Variants in SUPT6H observed in about 807,000 individuals in gnomAD.
SUPT6H encodes the protein transcription elongation factor SPT6.
In SUPT6H, 11 loss-of-function variants were observed where a neutral mutation model predicts 222.3. That is an observed-to-expected ratio of 0.05 (90% CI 0.03 to 0.08). SUPT6H has a LOEUF of 0.08. Ranked by LOEUF, SUPT6H falls within the 10% of genes least tolerant of loss-of-function variation. The pLI, the probability that SUPT6H is intolerant of heterozygous loss-of-function variation, is 1.00. For synonymous variants in SUPT6H, 762 were observed against 801.2 expected (o/e 0.95, Z 0.83); for missense variants, 1,422 against 2,216.0 (o/e 0.64, Z 7.19).
chr17:28,664,139 T>C (rs975532696), intron 1 of SUPT6H, among the ~76,000 whole-genome samples: 2 of 152,154 alleles, frequency 1.3e-5, no homozygotes, highest in Non-Finnish European at 2.9e-5. Flanking sequence ...GACATTTCAC[T>C]CTTGGATTTT....
intron 27 of SUPT6H, among the ~76,000 whole-genome samples, chr17:28,692,488 C>T (rs2151652960): frequency 6.8e-6 from 1 of 146,052 alleles, no homozygotes; most frequent in East Asian, 2.0e-4. Context: ...TAAGGATTAG[C>T]AGGGTGTGGT....
chr17:28,687,448 C>T lies in SUPT6H; in HGVS notation c.2983C>T (p.Arg995Trp). The stretch of plus-strand genomic sequence containing the variant: ...CCAGTATGTTTGTGGCCTGGGACCT[C>T]GGAAAGGGACCCACCTCCTGAAGGT... ...LIQYVCGLGP[R>W]KGTHLLKILK... Residue 995 changes from arginine (R) to tryptophan (W), a missense_variant, in exon 23 of 37, where the codon CGG (arginine) becomes TGG (tryptophan). By Grantham distance (101) the Arg-to-Trp change is moderately radical (BLOSUM62 -3). Coordinates refer to ENST00000314616, the MANE Select transcript of SUPT6H (RefSeq NM_003170.5). 6.2e-7 allele frequency: 1 copy of T among 1,614,042 alleles called. No individual in the cohort carries two copies. Among genetic ancestry groups the T allele is most frequent in the Non-Finnish European group, 8.5e-7 (1 of 1,180,014 alleles).
In SUPT6H at chr17:28,697,995, G is replaced by C; in HGVS notation, c.4413G>C (p.Lys1471Asn). 6.2e-7 allele frequency: 1 copy of C among 1,613,074 alleles called. No homozygotes were observed. The highest frequency in any genetic ancestry group is 8.5e-7 in the Non-Finnish European group (1 of 1,180,022). The change falls in exon 32 of 37, where the codon AAG (lysine) becomes AAC (asparagine). Residue 1471 changes from lysine to asparagine, a missense_variant. Transcript: ENST00000314616. ...FICACKELPGKFLLGYQPRGK... is the reference protein window; with the variant it reads ...FICACKELPGNFLLGYQPRGK... Reference sequence around the variant, plus strand: ...GTGCCTGCAAGGAACTGCCCGGCAAGTTCCTACTGGGATACCAGCCCCGGG... The same window carrying C: ...GTGCCTGCAAGGAACTGCCCGGCAACTTCCTACTGGGATACCAGCCCCGGG...
intron 17 of SUPT6H, 102 bp from the exon 18 acceptor site, chr17:28,684,484 C>A: frequency 1.4e-6 from 2 of 1,385,536 alleles, no homozygotes; most frequent in Non-Finnish European, 1.0e-6. Context: ...GAGTACACAC[C>A]CTCGCACATG....
chr17:28,686,255 C>G, intron 19 of SUPT6H, 84 bp from the exon 20 acceptor site: 1 of 1,236,582 alleles, frequency 8.1e-7, no homozygotes, highest in African/African-American at 1.5e-5. Flanking sequence ...CCAGTTCTTA[C>G]AAGATCTCCA....
At chr17:28,697,207 C>T (rs1255971098) in intron 30 of SUPT6H, 125 bp downstream of exon 30, 5 of 746,114 alleles carry the variant, frequency 6.7e-6, no homozygotes, top group African/African-American at 3.5e-5. Context: ...AGCAACAAAA[C>T]GGGAGGTGGT....
At position 28,701,104 on chromosome 17, in the gene SUPT6H, C is replaced by T; in HGVS notation, c.4970C>T (p.Ser1657Phe). ...AQAQPQPSSS[S>F]RQRQQQPKSN... Reference sequence around the variant, plus strand: ...GCCCAGCCCCAGCCCTCTTCCAGCTCCCGGCAACGGCAGCAGCAGCCAAAG... The same window carrying T: ...GCCCAGCCCCAGCCCTCTTCCAGCTTCCGGCAACGGCAGCAGCAGCCAAAG... Residue 1657 changes from serine to phenylalanine, a missense_variant, in exon 36 of 37, where the codon TCC becomes TTC. Transcript: ENST00000314616. The T allele has an allele frequency of 6.2e-7, 1 of 1,612,090 alleles. No homozygotes were observed. The highest frequency in any genetic ancestry group is 8.5e-7 in the Non-Finnish European group (1 of 1,179,560).
Position 28,689,522 on chromosome 17 carries a change from C to T in SUPT6H, c.3303C>T (p.Asp1101=). 2 of 1,614,182 alleles carry T rather than the reference C, an allele frequency of 1.2e-6. No individual in the cohort carries two copies. Among genetic ancestry groups the T allele is most frequent in the East Asian group, 2.2e-5 (1 of 44,892 alleles). ...EILENPERLK[D]LDLDAFAEEL... The stretch of plus-strand genomic sequence containing the variant: ...TGGAAAACCCAGAGCGACTGAAAGA[C>T]CTGGACCTTGATGCCTTTGCAGAAG... The change falls in exon 25 of 37, where the codon GAC becomes GAT. Residue 1101 remains aspartate, a synonymous_variant. Coordinates refer to ENST00000314616, the MANE Select transcript of SUPT6H (RefSeq NM_003170.5).
intron 1 of SUPT6H, among the ~76,000 whole-genome samples, chr17:28,664,111 T>C (rs1453522288): frequency 1.3e-5 from 2 of 152,130 alleles, no homozygotes. Flanking sequence ...GCCTCCAAAC[T>C]TTCATCTTGG....
chr17:28,691,192 C>T (rs922102799), intron 27 of SUPT6H, 129 bp downstream of exon 27: 68 of 1,270,826 alleles, frequency 5.4e-5, no homozygotes, highest in Middle Eastern at 4.1e-4. Context: ...AGAAGGAAGA[C>T]GGACGGGAAA....
Position 28,701,732 on chromosome 17 carries a change from G to A in SUPT6H, c.*107G>A. 1 of 1,254,392 alleles carries A rather than the reference G, an allele frequency of 8.0e-7. No homozygotes were observed. Among genetic ancestry groups the A allele is most frequent in the Non-Finnish European group, 1.1e-6 (1 of 914,434 alleles). 77.7% of individuals were successfully genotyped at this position (1,254,392 alleles called of 1,614,324 possible). A position where few individuals can be genotyped will look rare whatever the true frequency, so the allele number is the denominator to read the frequency against. Reference sequence around the variant, plus strand: ...TTATGTCCATAAAGTGGCGTGAAGTGAGACGTTCTCTTTGGTGGTCAACCC... The same window carrying A: ...TTATGTCCATAAAGTGGCGTGAAGTAAGACGTTCTCTTTGGTGGTCAACCC... On this transcript the variant is annotated 3_prime_UTR_variant, in exon 37 of 37. Coordinates refer to ENST00000314616, the MANE Select transcript of SUPT6H (RefSeq NM_003170.5).
intron 32 of SUPT6H, 71 bp downstream of exon 32, chr17:28,698,101 G>A: frequency 1.3e-6 from 2 of 1,542,436 alleles, no homozygotes; most frequent in South Asian, 2.4e-5. Context: ...GAGAGGCCCG[G>A]AGCAGTGCCC....
chr17:28,699,703 A>G, intron 32 of SUPT6H, 78 bp from the exon 33 acceptor site: 2 of 1,194,106 alleles, frequency 1.7e-6, no homozygotes, highest in Non-Finnish European at 2.5e-6. Flanking sequence ...GCTACTTCAC[A>G]TGGTGGGCAT....
chr17:28,664,831 T>C (rs2029921623), intron 1 of SUPT6H, among the ~76,000 whole-genome samples: 1 of 152,242 alleles, frequency 6.6e-6, no homozygotes, highest in Non-Finnish European at 1.5e-5. Context: ...AAGATAGACC[T>C]CTGAGAATCA....
At chr17:28,678,661 G>C in intron 10 of SUPT6H, 27 bp downstream of exon 10, 1 of 1,611,592 alleles carries the variant, frequency 6.2e-7, no homozygotes. Flanking sequence ...GCCCCCAAGA[G>C]GTGTGGGCCA....
intron 1 of SUPT6H, among the ~76,000 whole-genome samples, chr17:28,667,414 T>TATATATATAA (rs1267686353): frequency 9.0e-6 from 1 of 110,688 alleles, no homozygotes; most frequent in Non-Finnish European, 1.7e-5. Flanking sequence ...TGTATATATA[T>TATATATATAA]ATATATATAT....
At chr17:28,700,906 C>T in intron 35 of SUPT6H, 35 bp from the exon 36 acceptor site, 1 of 1,581,528 alleles carries the variant, frequency 6.3e-7, no homozygotes, top group South Asian at 1.1e-5. Flanking sequence ...ACAAGCCCCA[C>T]ACCCATCCCT....
chr17:28,678,708 A>C, intron 10 of SUPT6H, 74 bp downstream of exon 10: 1 of 1,611,370 alleles, frequency 6.2e-7, no homozygotes, highest in Admixed American at 1.7e-5. Context: ...CCACAAACCC[A>C]AACCCCCCAG....
intron 24 of SUPT6H, chr17:28,689,053 G>T: frequency 3.5e-6 from 1 of 288,394 alleles, no homozygotes; most frequent in Middle Eastern, 1.1e-3. Context: ...ACAATTTTAT[G>T]TATACTACAG....
Sources: gnomAD v4.1 joint callset for allele counts (sites outside exome capture counted in the v4.1 genomes callset) on GRCh38, gnomAD v4.1.1 for gene constraint, MANE v1.5 for transcripts, NCBI Gene and HGNC (gene_info 2026-07-23, HGNC 2026-07-21) for gene names.